Variants in DMD observed in about 807,000 individuals in gnomAD.
The protein encoded by DMD is mutant dystrophin.
A neutral mutation model predicts 330.1 loss-of-function variants in DMD; 63 were observed. The ratio of observed to expected loss-of-function variants is 0.19; its 90% CI spans 0.16 to 0.24. The LOEUF is 0.24. DMD is among the 10% of genes least tolerant of loss of function. The probability of loss-of-function intolerance (pLI) is 1.00; values close to 1 mark genes in which losing one functional copy is unlikely to be tolerated. For missense variants in DMD, 3,344 were observed against 2,684.1 expected, an observed-to-expected ratio of 1.25 and a Z score of -5.43; for synonymous variants, 1,223 against 959.8, an observed-to-expected ratio of 1.27 and a Z score of -5.07.
chrX:32,177,807 A>G (rs2096911545), intron 44 of DMD, among the ~76,000 whole-genome samples: 1 of 111,026 alleles, frequency 9.0e-6, no homozygotes, highest in African/African-American at 3.3e-5. Context: ...TTGTTGGATG[A>G]GTGATTGTGG....
intron 15 of DMD, among the ~76,000 whole-genome samples, chrX:32,572,270 A>G (rs2052508659): frequency 8.9e-6 from 1 of 112,007 alleles, no homozygotes; most frequent in African/African-American, 3.2e-5. Context: ...ATAGCTGGTA[A>G]AATGGTACGT....
intron 7 of DMD, among the ~76,000 whole-genome samples, chrX:32,703,979 T>C (rs112065013): frequency 0.044 from 4,893 of 111,501 alleles, 287 homozygotes; most frequent in African/African-American, 0.15. Flanking sequence ...ATTTTAATAA[T>C]TGCTTATCCA....
intron 7 of DMD, among the ~76,000 whole-genome samples, chrX:32,711,541 G>A (rs762415387): frequency 4.5e-5 from 5 of 111,603 alleles, no homozygotes; most frequent in African/African-American, 6.5e-5. Flanking sequence ...GAGTTCAACC[G>A]TTAGTTGTCT....
intron 44 of DMD, among the ~76,000 whole-genome samples, chrX:32,083,660 A>T (rs936657375): frequency 8.9e-6 from 1 of 112,827 alleles, no homozygotes; most frequent in Non-Finnish European, 1.9e-5. Context: ...AAAGCAAAAT[A>T]ACAGGGAAGT....
At chrX:31,293,208 T>TGA (rs1316199576) in intron 62 of DMD, among the ~76,000 whole-genome samples, 2 of 75,004 alleles carry the variant, frequency 2.7e-5, no homozygotes, top group African/African-American at 1.5e-4. Flanking sequence ...TGGTTTAGTG[T>TGA]GTGTGTGTGT....
intron 45 of DMD, among the ~76,000 whole-genome samples, chrX:31,939,904 T>C (rs1157820724): frequency 1.8e-5 from 2 of 111,470 alleles, no homozygotes. Context: ...GAAAAAACAA[T>C]AGAGAATTAA....
intron 45 of DMD, among the ~76,000 whole-genome samples, chrX:31,941,974 A>G (rs994324094): frequency 9.0e-6 from 1 of 111,686 alleles, no homozygotes; most frequent in Admixed American, 9.5e-5. Flanking sequence ...GTTACTGTAT[A>G]GTGCTGCGAC....
At chrX:32,711,828 T>A (rs755662233) in intron 7 of DMD, among the ~76,000 whole-genome samples, 3 of 112,072 alleles carry the variant, frequency 2.7e-5, no homozygotes, top group Non-Finnish European at 3.8e-5. Context: ...TCTAATGAGA[T>A]TAAACATATA....
At chrX:33,101,875 T>C (rs916805215) in intron 1 of DMD, among the ~76,000 whole-genome samples, 1 of 112,051 alleles carries the variant, frequency 8.9e-6, no homozygotes, top group Non-Finnish European at 1.9e-5. Context: ...TTGTTTATTT[T>C]TAAACTGGCT....
intron 20 of DMD, among the ~76,000 whole-genome samples, chrX:32,488,698 C>T (rs2042710622): frequency 9.0e-6 from 1 of 111,275 alleles, no homozygotes; most frequent in Non-Finnish European, 1.9e-5. Flanking sequence ...CTTAGGATGA[C>T]TTCCTCAACC....
intron 2 of DMD, among the ~76,000 whole-genome samples, chrX:32,936,011 C>T (rs1181601562): frequency 1.8e-5 from 2 of 111,688 alleles, no homozygotes; most frequent in East Asian, 2.8e-4. Flanking sequence ...CCTTATTAAG[C>T]TTTTAAAATG....
At chrX:32,960,004 C>T (rs2091813466) in intron 2 of DMD, among the ~76,000 whole-genome samples, 1 of 111,890 alleles carries the variant, frequency 8.9e-6, no homozygotes, top group African/African-American at 3.2e-5. Flanking sequence ...AACTTCTTAA[C>T]TGCCTGCCCT....
chrX:32,809,821 C>T (rs891054125), intron 6 of DMD, among the ~76,000 whole-genome samples: 1 of 105,230 alleles, frequency 9.5e-6, no homozygotes, highest in African/African-American at 3.5e-5. Context: ...GTGGCTCATG[C>T]CTGTAATCTC....
chrX:31,387,180 C>T (rs944851436), intron 60 of DMD, among the ~76,000 whole-genome samples: 12 of 111,370 alleles, frequency 1.1e-4, no homozygotes, highest in Non-Finnish European at 2.3e-4. Flanking sequence ...GGTCATTGTT[C>T]CATCAAATTT....
intron 60 of DMD, among the ~76,000 whole-genome samples, chrX:31,384,063 C>T (rs1316069201): frequency 2.7e-5 from 3 of 111,702 alleles, no homozygotes; most frequent in Admixed American, 9.5e-5. Context: ...CCCTGTAACA[C>T]TCCTTCTGGG....
At chrX:32,193,459 T>TA (rs761498740) in intron 44 of DMD, among the ~76,000 whole-genome samples, 105 of 112,078 alleles carry the variant, frequency 9.4e-4, no homozygotes, top group African/African-American at 3.3e-3. Flanking sequence ...TGCATTAATT[T>TA]AAAAAATAAA....
At chrX:31,254,356 G>A (rs1046365606) in intron 63 of DMD, among the ~76,000 whole-genome samples, 1 of 110,939 alleles carries the variant, frequency 9.0e-6, no homozygotes. Flanking sequence ...CAATAAGACA[G>A]GCTAAGAAAT....
At chrX:31,426,639 C>G (rs953987176) in intron 60 of DMD, among the ~76,000 whole-genome samples, 4 of 112,219 alleles carry the variant, frequency 3.6e-5, no homozygotes, top group South Asian at 7.5e-4. Flanking sequence ...CGTGTACATT[C>G]TTGATCAGTG....
chrX:33,166,658 C>A (rs2049067950), intron 1 of DMD, among the ~76,000 whole-genome samples: 1 of 110,566 alleles, frequency 9.0e-6, no homozygotes, highest in Non-Finnish European at 1.9e-5. Context: ...TAAAACATTG[C>A]TTCTTCTATA....
Sources: allele counts gnomAD v4.1 joint callset (sites outside exome capture counted in the v4.1 genomes callset), GRCh38; gene constraint gnomAD v4.1.1; transcripts MANE v1.5; gene names NCBI Gene and HGNC (gene_info 2026-07-23, HGNC 2026-07-21).